The following MAP3K7CL variants were observed in gnomAD, a reference collection of about 807,000 sequenced individuals.
MAP3K7CL encodes MAP3K7 C-terminal-like protein.
A neutral mutation model predicts 18.6 loss-of-function variants in MAP3K7CL; 16 were observed. The observed-to-expected ratio is 0.86, with a 90% CI of 0.58 to 1.31. MAP3K7CL has a LOEUF of 1.31. Ranked by LOEUF, MAP3K7CL falls within the 50% of genes most tolerant of loss-of-function variation. The pLI, the probability that MAP3K7CL is intolerant of heterozygous loss-of-function variation, is 0.00. For missense variants in MAP3K7CL, 163 were observed against 174.4 expected, an observed-to-expected ratio of 0.93 and a Z score of 0.37; for synonymous variants, 65 against 66.8, an observed-to-expected ratio of 0.97 and a Z score of 0.13.
chr21:29,110,763 AATTTTTCATT>A (rs2086405215), intron 4 of MAP3K7CL, among the ~76,000 whole-genome samples: 1 of 151,902 alleles, frequency 6.6e-6, no homozygotes, highest in Admixed American at 6.6e-5. Context: ...CCTTCTATTG[AATTTTTCATT>A]TCTGCTTTCA....
rs563349236 is a variant in MAP3K7CL, at chr21:29,091,486, A to C, written c.58-15A>C. 114 of 659,560 alleles carry C rather than the reference A, an allele frequency of 1.7e-4. No individual in the cohort carries two copies. The East Asian group carries it at 2.7e-3, about 15-fold the overall frequency. The allele number at this position is 659,560 out of a possible 1,614,324, so 40.9% of individuals were successfully genotyped here. On this transcript the variant is annotated splice_polypyrimidine_tract_variant and intron_variant, in intron 1 of 6. Transcript: ENST00000286791. ...ATTTTCTTTTCTTTTTTTCTTTTTT[A>C]TTTTTTCAATACAGCCCCTTGCTCT...
upstream of MAP3K7CL, among the ~76,000 whole-genome samples, chr21:29,080,911 G>C (rs1387595821): frequency 6.6e-6 from 1 of 151,948 alleles, no homozygotes; most frequent in East Asian, 1.9e-4. Context: ...GGCCAGGCTT[G>C]TGAGCTCACA....
chr21:29,152,921 G>T (rs1221007200), intron 3 of MAP3K7CL, among the ~76,000 whole-genome samples: 2 of 152,156 alleles, frequency 1.3e-5, no homozygotes, highest in Non-Finnish European at 2.9e-5. Flanking sequence ...TGTAGTTATA[G>T]AATAACCTTG....
upstream of MAP3K7CL, among the ~76,000 whole-genome samples, chr21:29,082,211 A>G (rs1055913840): frequency 3.4e-4 from 51 of 152,152 alleles, no homozygotes; most frequent in African/African-American, 1.0e-3. Flanking sequence ...TCTTGGTCCT[A>G]TTTCCTAATA....
intron 1 of MAP3K7CL, among the ~76,000 whole-genome samples, chr21:29,087,445 T>A (rs1379758650): frequency 1.3e-5 from 2 of 152,182 alleles, no homozygotes; most frequent in Non-Finnish European, 2.9e-5. Context: ...GCTTGGCACA[T>A]GTTAAGTGTT....
At chr21:29,149,038 A>G in intron 2 of MAP3K7CL, 151 bp from the exon 3 acceptor site, 1 of 682,570 alleles carries the variant, frequency 1.5e-6, no homozygotes, top group South Asian at 1.9e-5. Context: ...ACAGAAAATG[A>G]GCAAAATTGT....
intron 4 of MAP3K7CL, among the ~76,000 whole-genome samples, chr21:29,114,543 A>G (rs1890776176): frequency 6.6e-6 from 1 of 151,894 alleles, no homozygotes; most frequent in Admixed American, 6.6e-5. Flanking sequence ...GGTGTGAGCC[A>G]CTACACCTGG....
At chr21:29,165,412 T>G (rs1568972419) in intron 4 of MAP3K7CL, among the ~76,000 whole-genome samples, 1 of 152,276 alleles carries the variant, frequency 6.6e-6, no homozygotes, top group South Asian at 2.1e-4. Context: ...TGATGATTTC[T>G]GAGATTTTGG....
chr21:29,110,027 A>G (rs997587180), intron 4 of MAP3K7CL, among the ~76,000 whole-genome samples: 1 of 152,206 alleles, frequency 6.6e-6, no homozygotes, highest in African/African-American at 2.4e-5. Context: ...GATACTGTGT[A>G]CTTACTTGCA....
intron 1 of MAP3K7CL, among the ~76,000 whole-genome samples, chr21:29,090,808 T>C (rs1007169383): frequency 3.9e-5 from 6 of 152,096 alleles, no homozygotes; most frequent in Non-Finnish European, 5.9e-5. Context: ...GTTTTTTTTC[T>C]TGCTCTTTGT....
chr21:29,133,248 G>A, intron 1 of MAP3K7CL, 58 bp from the exon 2 acceptor site: 1 of 1,322,162 alleles, frequency 7.6e-7, no homozygotes, highest in Non-Finnish European at 1.1e-6. Flanking sequence ...AAGGGCCTCT[G>A]AGTATTTAGG....
intron 4 of MAP3K7CL, among the ~76,000 whole-genome samples, chr21:29,099,692 T>C (rs1479324163): frequency 6.6e-6 from 1 of 152,148 alleles, no homozygotes; most frequent in Non-Finnish European, 1.5e-5. Context: ...TGTGAAGATA[T>C]TGCAACATAA....
In MAP3K7CL at chr21:29,149,138, C is replaced by A. The variant is rs769293543; in HGVS notation, c.71-51C>A. 4.8e-5 allele frequency: 72 copies of A among 1,502,850 alleles called. 1 individual carries two copies. The highest frequency in any genetic ancestry group is 4.6e-4 in the South Asian group (41 of 88,788). 93.1% of individuals were successfully genotyped at this position (1,502,850 alleles called of 1,614,324 possible). ...CTAACTCTGGGGGAGTCCAAGGACT[C>A]CTACAAGAAAGAGCTCCATAGTGAA... On this transcript the variant is annotated intron_variant, in intron 2 of 4. Coordinates refer to ENST00000399928, the MANE Select transcript of MAP3K7CL (RefSeq NM_001286620.2).
intron 1 of MAP3K7CL, among the ~76,000 whole-genome samples, chr21:29,089,341 C>T (rs1328107911): frequency 1.3e-5 from 2 of 152,096 alleles, no homozygotes; most frequent in Admixed American, 6.6e-5. Context: ...TTACATTTGT[C>T]TTTTTCCATA....
At chr21:29,169,594 ACTGT>A (rs2087773896) in intron 4 of MAP3K7CL, among the ~76,000 whole-genome samples, 2 of 152,280 alleles carry the variant, frequency 1.3e-5, no homozygotes, top group East Asian at 3.9e-4. Context: ...CTGGGGCCAA[ACTGT>A]CTAGAATTTT....
chr21:29,139,823 G>A lies in MAP3K7CL; in HGVS notation c.70+6409G>A, dbSNP rs141905027. Among the ~76,000 whole-genome samples the A allele has an allele frequency of 4.6e-4, 69 of 150,920 alleles. 1 individual carries two copies. The East Asian group carries it at 0.011, about 23-fold the overall frequency. ...TGTTCTCAAACTCCTGATCTCAGGT[G>A]ACCGCCCGCCTTGGCCTCCCAAAGT... On this transcript the variant is annotated intron_variant, in intron 2 of 4. Transcript: ENST00000399928.
Position 29,114,511 on chromosome 21 carries a change from C to T in MAP3K7CL, c.370+21930C>T, listed in dbSNP as rs377251442. ...GCTCAATTGATCCTCCCACCTCAGC[C>T]TCTCAAGTAGCTGAGTCTACAGGTG... On this transcript the variant is annotated intron_variant, in intron 4 of 6. Transcript: ENST00000286791. 8.1e-4 allele frequency among the ~76,000 whole-genome samples: 123 copies of T among 152,290 alleles called. 1 individual carries two copies. Among genetic ancestry groups the T allele is most frequent in the African/African-American group, 2.7e-3 (111 of 41,568 alleles).
chr21:29,160,322 C>T (rs2087515928), intron 4 of MAP3K7CL, among the ~76,000 whole-genome samples: 1 of 152,204 alleles, frequency 6.6e-6, no homozygotes, highest in African/African-American at 2.4e-5. Flanking sequence ...CAAAACCACA[C>T]TATGTTTTCC....
Position 29,158,333 on chromosome 21 carries a change from A to G in MAP3K7CL, c.133-1608A>G, listed in dbSNP as rs142093429. Among the ~76,000 whole-genome samples the G allele has an allele frequency of 4.5e-3, 679 of 152,260 alleles. 5 individuals are homozygous for G. The highest frequency in any genetic ancestry group is 0.016 in the African/African-American group (646 of 41,554). ...TAGTACTACTGTGCGTTATTTTTCA[A>G]TTGAATCCCGTATAGAAAGGGATGA... On this transcript the variant is annotated intron_variant, in intron 3 of 4. Transcript: ENST00000399928.
Sources: gnomAD v4.1 joint callset for allele counts (sites outside exome capture counted in the v4.1 genomes callset) on GRCh38, gnomAD v4.1.1 for gene constraint, MANE v1.5 for transcripts, NCBI Gene and HGNC (gene_info 2026-07-23, HGNC 2026-07-21) for gene names.